CRMP1: variants seen among roughly 807,000 people sequenced by gnomAD.
CRMP1 encodes the protein dihydropyrimidinase-related protein 1.
CRMP1 carries 19 observed loss-of-function variants against 68.3 expected under a neutral mutation model. The ratio of observed to expected loss-of-function variants is 0.28; its 90% confidence interval spans 0.19 to 0.41. The LOEUF (loss-of-function observed/expected upper bound fraction) is 0.41. CRMP1 is among the 10% of genes least tolerant of loss of function. The pLI is 1.00. For missense variants in CRMP1, 791 were observed against 967.4 expected, an observed-to-expected ratio of 0.82 and a Z score of 2.42; for synonymous variants, 439 against 399.6, an observed-to-expected ratio of 1.10 and a Z score of -1.18.
At position 5,888,830 on chromosome 4, in the gene CRMP1, G is replaced by T. The variant is rs889286738; in HGVS notation, c.381+3759C>A. On this transcript the variant is annotated intron_variant, in intron 1 of 13. Transcript: ENST00000324989. The surrounding 1 kb of genome is among the most constrained non-coding windows in gnomAD (Gnocchi z 6.4). Reference sequence around the variant, plus strand: ...GCCTCCCCGGAACATCTGCGGGGGTGTGGGGGGAGGGAGTGTGGGACGGGG... The same window carrying T: ...GCCTCCCCGGAACATCTGCGGGGGTTTGGGGGGAGGGAGTGTGGGACGGGG... Among the ~76,000 whole-genome samples, 1 of 151,916 alleles carries T rather than the reference G, an allele frequency of 6.6e-6. No individual in the cohort carries two copies. Among genetic ancestry groups the T allele is most frequent in the African/African-American group, 2.4e-5 (1 of 41,380 alleles).
Position 5,888,466 on chromosome 4 carries a change from G to A in CRMP1, c.381+4123C>T. 8.3e-7 allele frequency: 1 copy of A among 1,211,158 alleles called. No individual in the cohort carries two copies. The highest frequency in any genetic ancestry group is 1.0e-6 in the Non-Finnish European group (1 of 975,096). The allele number at this position is 1,211,158 out of a possible 1,614,324, so 75.0% of individuals were successfully genotyped here. ...CCGCCCGCCGCCGCTCCGGCTGCCAGCACCGCCCGGATCGGCGAGGAGGGC... is the reference window on the plus strand; with the variant it reads ...CCGCCCGCCGCCGCTCCGGCTGCCAACACCGCCCGGATCGGCGAGGAGGGC... On this transcript the variant is annotated intron_variant, in intron 1 of 13. Transcript: ENST00000324989. The surrounding 1 kb of genome is among the most constrained non-coding windows in gnomAD (Gnocchi z 6.4).
At chr4:5,868,290 T>TATATATCTATATATATCTATATATAG (rs1714173786) in intron 1 of CRMP1, among the ~76,000 whole-genome samples, 2 of 131,396 alleles carry the variant, frequency 1.5e-5, no homozygotes, top group African/African-American at 6.5e-5. Flanking sequence ...TATATATATA[T>TATATATCTATATATATCTATATATAG]ATATATATAT....
At chr4:5,836,169 A>T (rs1720711480) in intron 10 of CRMP1, 84 bp from the exon 11 acceptor site, 22 of 1,239,992 alleles carry the variant, frequency 1.8e-5, no homozygotes, top group Non-Finnish European at 2.2e-5. Context: ...GAAGACTGCC[A>T]GCTGAGGCCT....
rs1478686457 is a variant in CRMP1, at chr4:5,838,662, G to C, written c.1310+860C>G. 6.6e-6 allele frequency among the ~76,000 whole-genome samples: 1 copy of C among 152,170 alleles called. No homozygotes were observed. Among genetic ancestry groups the C allele is most frequent in the Non-Finnish European group, 1.5e-5 (1 of 68,026 alleles). ...CTTTGTAAACGTGAGCTGCCCACCA[G>C]ACATTGGACTGCAGATGTTGAGTAA... On this transcript the variant is annotated intron_variant, in intron 9 of 13. Coordinates refer to ENST00000324989, the MANE Select transcript of CRMP1 (RefSeq NM_001014809.3). This position sits in a 1 kb window ranked among gnomAD's most constrained non-coding sequence, Gnocchi z 4.9.
In CRMP1 at chr4:5,853,864, T is replaced by C. The variant is rs1379185973; in HGVS notation, c.820+2279A>G. Among the ~76,000 whole-genome samples the C allele has an allele frequency of 6.6e-6, 1 of 152,254 alleles. No homozygotes were observed. Among genetic ancestry groups the C allele is most frequent in the Non-Finnish European group, 1.5e-5 (1 of 68,050 alleles). On this transcript the variant is annotated intron_variant, in intron 4 of 13. Coordinates refer to ENST00000324989, the MANE Select transcript of CRMP1 (RefSeq NM_001014809.3). The surrounding 1 kb of genome is among the most constrained non-coding windows in gnomAD (Gnocchi z 4.7). ...CAAACACTGCAGCATCTCACTTATATGTGGAATCTAAAAAGTTGATTTCAT... is the reference window on the plus strand; with the variant it reads ...CAAACACTGCAGCATCTCACTTATACGTGGAATCTAAAAAGTTGATTTCAT...
Position 5,856,263 on chromosome 4 carries a change from A to G in CRMP1, c.700T>C (p.Phe234Leu), listed in dbSNP as rs1157208110. 2 of 1,613,834 alleles carry G rather than the reference A, an allele frequency of 1.2e-6. No individual in the cohort carries two copies. The highest frequency in any genetic ancestry group is 4.5e-5 in the East Asian group (2 of 44,884). The change falls in exon 4 of 14, where the codon TTC becomes CTC. Residue 234 changes from phenylalanine (F) to leucine (L), a missense_variant. Phe to Leu is a conservative substitution (Grantham distance 22). Transcript: ENST00000324989. ...TCAGCTGCTTCGTGCCACTTCTCGA[A>G]AGAGGTCAGTAGGCTGGACCCAGGT... ...PEPGSSLLTS[F>L]EKWHEAADTK...
chr4:5,834,468 G>A lies in CRMP1; in HGVS notation c.1623+1447C>T, dbSNP rs1304979594. Among the ~76,000 whole-genome samples the A allele has an allele frequency of 6.6e-6, 1 of 152,134 alleles. No individual in the cohort carries two copies. The highest frequency in any genetic ancestry group is 2.4e-5 in the African/African-American group (1 of 41,420). ...CTTATCCTTCTGCCCTCTGCCATGGGATAACTCAGCAAGAAGGCCTTTGCC... is the reference window on the plus strand; with the variant it reads ...CTTATCCTTCTGCCCTCTGCCATGGAATAACTCAGCAAGAAGGCCTTTGCC... On this transcript the variant is annotated intron_variant, in intron 11 of 13. Transcript: ENST00000324989. This position sits in a 1 kb window ranked among gnomAD's most constrained non-coding sequence, Gnocchi z 4.3.
At chr4:5,835,291 G>C (rs542374630) in intron 11 of CRMP1, among the ~76,000 whole-genome samples, 1 of 152,350 alleles carries the variant, frequency 6.6e-6, no homozygotes, top group Non-Finnish European at 1.5e-5. Context: ...GGCCATGCAG[G>C]AGGGTGTTAA....
At chr4:5,852,852 A>T (rs1712763363) in intron 4 of CRMP1, among the ~76,000 whole-genome samples, 1 of 152,054 alleles carries the variant, frequency 6.6e-6, no homozygotes, top group South Asian at 2.1e-4. Flanking sequence ...TTCCCAGGGG[A>T]GTACAGCTCA....
At chr4:5,867,554 C>T (rs1469647109) in intron 1 of CRMP1, among the ~76,000 whole-genome samples, 1 of 152,194 alleles carries the variant, frequency 6.6e-6, no homozygotes, top group South Asian at 2.1e-4. Flanking sequence ...TTTCTTCCCC[C>T]ACAGTGCACA....
rs536969374 is a variant in CRMP1, at chr4:5,842,622, T to TCACA, written c.1032+467_1032+470dup. Among the ~76,000 whole-genome samples, 10 of 143,050 alleles carry TCACA rather than the reference T, an allele frequency of 7.0e-5. No individual in the cohort carries two copies. The highest frequency in any genetic ancestry group is 1.6e-4 in the African/African-American group (6 of 37,382). The allele number at this position is 143,050 out of a possible 152,430, so 93.8% of individuals were successfully genotyped here. On this transcript the variant is annotated intron_variant, in intron 7 of 13. Transcript: ENST00000324989. The surrounding 1 kb of genome is among the most constrained non-coding windows in gnomAD (Gnocchi z 4.5). ...CTCACACACACACACACACACTCAC[T>TCACA]CACACACACACACACGCACTGTCTC...
Position 5,825,954 on chromosome 4 carries a change from GCATGCA to G in CRMP1, c.1804-301_1804-296del. 2.3e-6 allele frequency: 1 copy of G among 439,850 alleles called. No homozygotes were observed. Among genetic ancestry groups the G allele is most frequent in the Non-Finnish European group, 4.0e-6 (1 of 247,538 alleles). 27.2% of individuals were successfully genotyped at this position (439,850 alleles called of 1,614,324 possible). A position where few individuals can be genotyped will look rare whatever the true frequency, so the allele number is the denominator to read the frequency against. ...TACATGCAGTCATGCACACATATAT[GCATGCA>G]CATGCAGTAACAAAACAGGCCTACA... is the stretch of plus-strand genomic sequence containing the variant. On this transcript the variant is annotated intron_variant, in intron 12 of 13. Coordinates refer to ENST00000324989, the MANE Select transcript of CRMP1 (RefSeq NM_001014809.3). The surrounding 1 kb of genome is among the most constrained non-coding windows in gnomAD (Gnocchi z 4.4).
chr4:5,856,552 C>T (rs1382851433), intron 3 of CRMP1, among the ~76,000 whole-genome samples: 2 of 151,506 alleles, frequency 1.3e-5, no homozygotes, highest in African/African-American at 2.4e-5. Flanking sequence ...ATCATCATTA[C>T]CATTATCACC....
chr4:5,868,261 CTATATATATA>C (rs60816757), intron 1 of CRMP1, among the ~76,000 whole-genome samples: 12,207 of 111,140 alleles, frequency 0.11, 590 homozygotes, highest in East Asian at 0.16. Flanking sequence ...GACTATATAT[CTATATATATA>C]TATATATATA....
In CRMP1 at chr4:5,872,309, G is replaced by A. The variant is rs775897511; in HGVS notation, c.382-5553C>T. Among the ~76,000 whole-genome samples the A allele has an allele frequency of 1.3e-5, 2 of 152,056 alleles. No individual in the cohort carries two copies. Among genetic ancestry groups the A allele is most frequent in the African/African-American group, 2.4e-5 (1 of 41,402 alleles). On this transcript the variant is annotated intron_variant, in intron 1 of 13. Transcript: ENST00000324989. The surrounding 1 kb of genome is among the most constrained non-coding windows in gnomAD (Gnocchi z 4.6). ...CATATTTATAAAAAAAAATAATACC[G>A]GTGCCGTCTATTGCCTCTCACGGGG...
At position 5,866,165 on chromosome 4, in the gene CRMP1, A is replaced by G. The variant is rs992408778; in HGVS notation, c.470+503T>C. Among the ~76,000 whole-genome samples, 5 of 152,180 alleles carry G rather than the reference A, an allele frequency of 3.3e-5. No individual in the cohort carries two copies. The highest frequency in any genetic ancestry group is 1.9e-4 in the East Asian group (1 of 5,184). Reference sequence around the variant, plus strand: ...GAAAGGGAAGGAAACTCCAGCCCCAATGTCTATCTTTTCTTTAAGTGCCAA... The same window carrying G: ...GAAAGGGAAGGAAACTCCAGCCCCAGTGTCTATCTTTTCTTTAAGTGCCAA... On this transcript the variant is annotated intron_variant, in intron 2 of 13. Coordinates refer to ENST00000324989, the MANE Select transcript of CRMP1 (RefSeq NM_001014809.3). The surrounding 1 kb of genome is among the most constrained non-coding windows in gnomAD (Gnocchi z 5.9).
rs1560496269 is a variant in CRMP1, at chr4:5,842,660, AC to A, written c.1032+432del. On this transcript the variant is annotated intron_variant, in intron 7 of 13. Coordinates refer to ENST00000324989, the MANE Select transcript of CRMP1 (RefSeq NM_001014809.3). This position sits in a 1 kb window ranked among gnomAD's most constrained non-coding sequence, Gnocchi z 4.5. Reference sequence around the variant, plus strand: ...CACGCACTGTCTCTCTCACACACACACACTAACATACACACACTCACACACA... The same window carrying A: ...CACGCACTGTCTCTCTCACACACACAACTAACATACACACACTCACACACA... Among the ~76,000 whole-genome samples, 1 of 151,274 alleles carries A rather than the reference AC, an allele frequency of 6.6e-6. No individual in the cohort carries two copies. The highest frequency in any genetic ancestry group is 2.4e-5 in the African/African-American group (1 of 40,992).
chr4:5,839,466 T>C, intron 9 of CRMP1, 56 bp downstream of exon 9: 1 of 1,552,988 alleles, frequency 6.4e-7, no homozygotes, highest in Non-Finnish European at 8.7e-7. Flanking sequence ...CCATTAACTC[T>C]CTGCCTCCAA....
At chr4:5,824,327 A>G in intron 13 of CRMP1, 4 of 985,426 alleles carry the variant, frequency 4.1e-6, no homozygotes, top group Non-Finnish European at 3.6e-6. Context: ...GTGCAAAAAT[A>G]TGAAACACTG....
Sources: allele counts gnomAD v4.1 joint callset (sites outside exome capture counted in the v4.1 genomes callset), GRCh38; gene constraint gnomAD v4.1.1; non-coding constraint Gnocchi (gnomAD v3.1); transcripts MANE v1.5; gene names NCBI Gene and HGNC (gene_info 2026-07-23, HGNC 2026-07-21).